MANSC1: variants seen among roughly 807,000 people sequenced by gnomAD.
The protein encoded by MANSC1 is MANSC domain containing 1.
Under a neutral mutation model 14.1 loss-of-function variants are expected in MANSC1, and 13 were observed. That is an observed-to-expected ratio of 0.92 (90% CI 0.60 to 1.46). The LOEUF (loss-of-function observed/expected upper bound fraction) is 1.46. MANSC1 is among the 40% of genes most tolerant of loss of function. The pLI, the probability that MANSC1 is intolerant of heterozygous loss-of-function variation, is 0.00. For missense variants in MANSC1, 486 were observed against 511.4 expected (o/e 0.95, Z 0.48); for synonymous variants, 227 against 200.7 (o/e 1.13, Z -1.11).
intron 1 of MANSC1, among the ~76,000 whole-genome samples, chr12:12,344,914 C>G (rs569200501): frequency 2.0e-5 from 1 of 49,326 alleles, no homozygotes; most frequent in Non-Finnish European, 3.8e-5. Context: ...TTAATAAACT[C>G]CCATATATAT....
intron 1 of MANSC1, among the ~76,000 whole-genome samples, chr12:12,344,594 C>T (rs1592037085): frequency 6.6e-6 from 1 of 151,550 alleles, no homozygotes; most frequent in Non-Finnish European, 1.5e-5. Flanking sequence ...CTCAGCCTTC[C>T]GAGTAGCTGG....
At chr12:12,341,397 A>G (rs776677881) in intron 2 of MANSC1, among the ~76,000 whole-genome samples, 3 of 152,114 alleles carry the variant, frequency 2.0e-5, no homozygotes, top group East Asian at 3.9e-4. Flanking sequence ...ATGCTTCCCG[A>G]TCATCTAGGG....
chr12:12,343,341 T>C lies in MANSC1; in HGVS notation c.-27A>G. On this transcript the variant is annotated 5_prime_UTR_variant, in exon 2 of 4. Coordinates refer to ENST00000535902, the MANE Select transcript of MANSC1 (RefSeq NM_018050.4). ...TTAAATTTCAGTTTAGTTTTGGTCT[T>C]CAAAGGTCAAGGATAATCCTCCCTC... 1 of 1,550,176 alleles carries C rather than the reference T, an allele frequency of 6.5e-7. No individual in the cohort carries two copies. The highest frequency in any genetic ancestry group is 8.9e-7 in the Non-Finnish European group (1 of 1,122,854).
At chr12:12,335,194 A>G (rs1291463027) in intron 3 of MANSC1, among the ~76,000 whole-genome samples, 1 of 152,014 alleles carries the variant, frequency 6.6e-6, no homozygotes, top group Non-Finnish European at 1.5e-5. Flanking sequence ...CCATATGTCC[A>G]CTACTCTCTC....
intron 3 of MANSC1, among the ~76,000 whole-genome samples, chr12:12,334,620 A>G (rs1862834380): frequency 6.6e-6 from 1 of 152,118 alleles, no homozygotes; most frequent in South Asian, 2.1e-4. Context: ...ATTTCACTTC[A>G]TTACCTTCAC....
intron 1 of MANSC1, among the ~76,000 whole-genome samples, chr12:12,343,679 A>G (rs1255147629): frequency 1.3e-5 from 2 of 152,252 alleles, no homozygotes; most frequent in African/African-American, 4.8e-5. Context: ...TATAAACAGT[A>G]GGCCTGCCTC....
chr12:12,337,486 G>A (rs996185136), intron 3 of MANSC1, among the ~76,000 whole-genome samples: 8 of 141,584 alleles, frequency 5.7e-5, no homozygotes, highest in East Asian at 2.1e-4. Flanking sequence ...GCCTGAACCC[G>A]GGAGGCGGAG....
At position 12,340,401 on chromosome 12, in the gene MANSC1, T is replaced by A. The variant is rs139129251; in HGVS notation, c.224-1841A>T. Among the ~76,000 whole-genome samples the A allele has an allele frequency of 3.4e-3, 517 of 152,326 alleles. 2 individuals are homozygous for A. The highest frequency in any genetic ancestry group is 0.012 in the African/African-American group (479 of 41,574). Reference sequence around the variant, plus strand: ...CCTCTGCAGGAGTTTTATCACGTCATATCCCCATTACTCAGATAATAACAG... The same window carrying A: ...CCTCTGCAGGAGTTTTATCACGTCAAATCCCCATTACTCAGATAATAACAG... On this transcript the variant is annotated intron_variant, in intron 2 of 3. Transcript: ENST00000535902.
chr12:12,349,259 C>T (rs1334601966), intron 1 of MANSC1, among the ~76,000 whole-genome samples: 4 of 152,162 alleles, frequency 2.6e-5, no homozygotes, highest in Non-Finnish European at 5.9e-5. Flanking sequence ...GTACTTAATA[C>T]GCTGCCATAT....
intron 2 of MANSC1, among the ~76,000 whole-genome samples, chr12:12,341,526 T>C (rs1486957107): frequency 1.3e-5 from 2 of 152,176 alleles, no homozygotes; most frequent in Non-Finnish European, 1.5e-5. Context: ...AACTCAAGTA[T>C]AGTTGAAAGG....
chr12:12,330,896 G>C lies in MANSC1; in HGVS notation c.427C>G (p.His143Asp). 3 of 1,611,948 alleles carry C rather than the reference G, an allele frequency of 1.9e-6. No homozygotes were observed. The highest frequency in any genetic ancestry group is 2.5e-6 in the Non-Finnish European group (3 of 1,179,290). The change falls in exon 4 of 4, where the codon CAT becomes GAT. Residue 143 changes from histidine to aspartate, a missense_variant. Coordinates refer to ENST00000535902, the MANE Select transcript of MANSC1 (RefSeq NM_018050.4). ...QELPQEDSLL[H>D]GQFSQAVTPL... Reference sequence around the variant, plus strand: ...GTGACTGCTTGTGAAAATTGGCCATGTAAGAGAGAATCTTCCTGGGGTAAC... The same window carrying C: ...GTGACTGCTTGTGAAAATTGGCCATCTAAGAGAGAATCTTCCTGGGGTAAC...
At chr12:12,344,916 CATAT>C (rs536743365) in intron 1 of MANSC1, among the ~76,000 whole-genome samples, 449 of 33,290 alleles carry the variant, frequency 0.013, 3 homozygotes, top group Middle Eastern at 0.019. Flanking sequence ...AATAAACTCC[CATAT>C]ATATATATAT....
chr12:12,338,723 T>C (rs1592033378), intron 2 of MANSC1, 163 bp from the exon 3 acceptor site: 1 of 678,502 alleles, frequency 1.5e-6, no homozygotes, highest in Middle Eastern at 2.8e-4. Context: ...CTTAGCTTAG[T>C]TGCTTAAGGC....
chr12:12,342,568 T>C (rs1274987969), intron 2 of MANSC1, among the ~76,000 whole-genome samples: 2 of 137,766 alleles, frequency 1.5e-5, no homozygotes, highest in African/African-American at 5.4e-5. Context: ...AGTTACCTAG[T>C]AGTCAGTGTT....
intron 1 of MANSC1, among the ~76,000 whole-genome samples, chr12:12,349,148 T>G (rs1863045657): frequency 6.6e-6 from 1 of 152,178 alleles, no homozygotes; most frequent in South Asian, 2.1e-4. Flanking sequence ...ATTTCAGAAG[T>G]CGGTGAAATA....
In MANSC1 at chr12:12,330,362, G is replaced by C; in HGVS notation, c.961C>G (p.Pro321Ala). The C allele has an allele frequency of 6.2e-7, 1 of 1,614,188 alleles. No homozygotes were observed. Among genetic ancestry groups the C allele is most frequent in the Non-Finnish European group, 8.5e-7 (1 of 1,180,030 alleles). Reference sequence around the variant, plus strand: ...GTTAGGTTGGAGATTTCTGTAAACGGTATGGTTTCTAAGCTGCCTTTCGAG... The same window carrying C: ...GTTAGGTTGGAGATTTCTGTAAACGCTATGGTTTCTAAGCTGCCTTTCGAG... ...TDSKGSLETI[P>A]FTEISNLTLN... Residue 321 changes from proline to alanine, a missense_variant, in exon 4 of 4, where the codon CCG becomes GCG. Pro to Ala is a conservative substitution (Grantham distance 27). Transcript: ENST00000535902.
Position 12,328,019 on chromosome 12 carries a change from C to T in MANSC1, c.*2008G>A, listed in dbSNP as rs1265755717. The T allele has an allele frequency of 1.3e-5, 2 of 152,156 alleles. No individual in the cohort carries two copies. The highest frequency in any genetic ancestry group is 2.9e-5 in the Non-Finnish European group (2 of 68,022). The allele number at this position is 152,156 out of a possible 1,614,324, so 9.4% of individuals were successfully genotyped here. Reference sequence around the variant, plus strand: ...CCTCTAGTGCTCACTGTATTAAGTTCGCATCTGAATTCCATTTTTATCTTT... The same window carrying T: ...CCTCTAGTGCTCACTGTATTAAGTTTGCATCTGAATTCCATTTTTATCTTT... On this transcript the variant is annotated 3_prime_UTR_variant, in exon 4 of 4. Coordinates refer to ENST00000535902, the MANE Select transcript of MANSC1 (RefSeq NM_018050.4).
intron 2 of MANSC1, among the ~76,000 whole-genome samples, chr12:12,340,045 C>A (rs911571999): frequency 5.3e-5 from 8 of 152,242 alleles, no homozygotes; most frequent in Middle Eastern, 3.4e-3. Context: ...CTCTTGGGCT[C>A]AAGCAATCCA....
At chr12:12,334,289 A>G (rs200873413) in intron 3 of MANSC1, among the ~76,000 whole-genome samples, 2 of 97,388 alleles carry the variant, frequency 2.1e-5, no homozygotes, top group South Asian at 4.4e-4. Context: ...AAAAAAAAAG[A>G]AAAAAAAAAA....
Sources: gnomAD v4.1 joint callset for allele counts (sites outside exome capture counted in the v4.1 genomes callset) on GRCh38, gnomAD v4.1.1 for gene constraint, MANE v1.5 for transcripts, NCBI Gene and HGNC (gene_info 2026-07-23, HGNC 2026-07-21) for gene names.